Variants in RGS7 observed in about 807,000 individuals in gnomAD.
The protein encoded by RGS7 is regulator of G protein signaling 7.
RGS7 carries 27 observed loss-of-function variants against 81.1 expected under a neutral mutation model. The observed-to-expected ratio is 0.33, with a 90% CI of 0.25 to 0.46. RGS7 has a LOEUF of 0.46. Among genes scored for constraint, RGS7 ranks in the 20% least tolerant of loss-of-function variants. The pLI is 1.00. For missense variants in RGS7, 396 were observed against 607.4 expected, an observed-to-expected ratio of 0.65 and a Z score of 3.66; for synonymous variants, 208 against 207.7, an observed-to-expected ratio of 1.00 and a Z score of -0.01.
At chr1:241,093,397 T>C (rs899038496) in intron 3 of RGS7, among the ~76,000 whole-genome samples, 5 of 152,196 alleles carry the variant, frequency 3.3e-5, no homozygotes, top group African/African-American at 1.2e-4. Flanking sequence ...TTATTGCTAA[T>C]GTATATGTAA....
intron 7 of RGS7, among the ~76,000 whole-genome samples, chr1:240,869,796 T>C (rs1412816690): frequency 1.3e-5 from 2 of 152,090 alleles, no homozygotes; most frequent in Admixed American, 1.3e-4. Flanking sequence ...AAAAATTATC[T>C]GGGCGTGGTG....
intron 2 of RGS7, among the ~76,000 whole-genome samples, chr1:241,238,966 C>CTCTCTTT (rs397786851): frequency 2.6e-4 from 28 of 106,638 alleles, no homozygotes; most frequent in Non-Finnish European, 3.6e-4. Context: ...GCCTCTCTCT[C>CTCTCTTT]TTTTTTTTTT....
chr1:241,347,770 G>C (rs1478754704), intron 2 of RGS7, among the ~76,000 whole-genome samples: 1 of 151,884 alleles, frequency 6.6e-6, no homozygotes, highest in African/African-American at 2.4e-5. Flanking sequence ...TCAGACCACT[G>C]AAAGTTTCAA....
At chr1:241,147,149 C>T (rs993803973) in intron 2 of RGS7, among the ~76,000 whole-genome samples, 2 of 152,096 alleles carry the variant, frequency 1.3e-5, no homozygotes, top group Admixed American at 6.6e-5. Context: ...CACACACACA[C>T]GACTCCATTT....
intron 2 of RGS7, among the ~76,000 whole-genome samples, chr1:241,256,571 A>G (rs1240936948): frequency 7.9e-5 from 12 of 152,130 alleles, no homozygotes; most frequent in Admixed American, 7.9e-4. Flanking sequence ...ACAGAAATTT[A>G]TGTCTCACAG....
chr1:240,825,793 A>T (rs1038095509), intron 10 of RGS7, among the ~76,000 whole-genome samples: 3 of 152,224 alleles, frequency 2.0e-5, no homozygotes, highest in Non-Finnish European at 4.4e-5. Context: ...GAGAAAGATG[A>T]TCTATACTGA....
At chr1:240,815,475 T>C (rs1368414205) in intron 11 of RGS7, among the ~76,000 whole-genome samples, 4 of 152,208 alleles carry the variant, frequency 2.6e-5, no homozygotes, top group African/African-American at 7.2e-5. Context: ...AAATCCTATC[T>C]CCTAATACCA....
At chr1:241,191,224 C>T (rs2072625089) in intron 2 of RGS7, among the ~76,000 whole-genome samples, 2 of 152,298 alleles carry the variant, frequency 1.3e-5, no homozygotes, top group African/African-American at 2.4e-5. Context: ...TTGTGATCCA[C>T]CCTCCTTAGC....
Position 241,036,323 on chromosome 1 carries a change from A to G in RGS7, c.176-53194T>C, listed in dbSNP as rs1170831212. On this transcript the variant is annotated intron_variant, in intron 3 of 18. Transcript: ENST00000440928. ...TACACATTGAAAGAAACACAAGTAT[A>G]GAATAGTTGCATTATCAAATATTTC... Among the ~76,000 whole-genome samples, 5 of 152,250 alleles carry G rather than the reference A, an allele frequency of 3.3e-5. No individual in the cohort carries two copies. In the South Asian group the frequency reaches 8.3e-4, roughly 25 times the overall value.
intron 3 of RGS7, among the ~76,000 whole-genome samples, chr1:241,091,148 G>A (rs868058008): frequency 1.3e-5 from 2 of 152,202 alleles, no homozygotes; most frequent in Middle Eastern, 6.8e-3. Flanking sequence ...TTGAAGTGTT[G>A]AAAGGAATAA....
intron 3 of RGS7, among the ~76,000 whole-genome samples, chr1:241,089,459 G>A (rs1217721454): frequency 2.0e-5 from 3 of 151,794 alleles, no homozygotes; most frequent in Non-Finnish European, 4.4e-5. Context: ...ATAGGTAAAC[G>A]TACCCTTGCC....
At chr1:241,161,268 C>T (rs938525001) in intron 2 of RGS7, among the ~76,000 whole-genome samples, 1 of 152,072 alleles carries the variant, frequency 6.6e-6, no homozygotes, top group Non-Finnish European at 1.5e-5. Context: ...TGAGTTCTTA[C>T]ACTGACACAG....
intron 18 of RGS7, among the ~76,000 whole-genome samples, chr1:240,785,083 G>C (rs996543345): frequency 9.2e-5 from 14 of 152,164 alleles, no homozygotes; most frequent in Admixed American, 2.6e-4. Flanking sequence ...AGTGCTCTTA[G>C]CAGAGTCTAA....
intron 2 of RGS7, among the ~76,000 whole-genome samples, chr1:241,279,016 C>T (rs761873053): frequency 4.0e-4 from 61 of 152,186 alleles, no homozygotes; most frequent in Non-Finnish European, 5.3e-4. Flanking sequence ...ACCATATACA[C>T]ACCTTCCCCA....
At chr1:241,059,040 A>G (rs1450792433) in intron 3 of RGS7, among the ~76,000 whole-genome samples, 2 of 152,190 alleles carry the variant, frequency 1.3e-5, no homozygotes, top group Non-Finnish European at 2.9e-5. Flanking sequence ...TCCTGAGAAC[A>G]TCTAATATTG....
chr1:241,024,667 C>T (rs984430331), intron 3 of RGS7, among the ~76,000 whole-genome samples: 1 of 152,116 alleles, frequency 6.6e-6, no homozygotes, highest in Non-Finnish European at 1.5e-5. Flanking sequence ...AGCAGAAAGT[C>T]AAGGTTAGTC....
At chr1:240,993,095 G>GA (rs2148597127) in intron 3 of RGS7, among the ~76,000 whole-genome samples, 1 of 99,188 alleles carries the variant, frequency 1.0e-5, no homozygotes, top group African/African-American at 3.6e-5. Flanking sequence ...AGGAAGGAAG[G>GA]AGGGAGGGAG....
intron 18 of RGS7, among the ~76,000 whole-genome samples, chr1:240,792,846 T>C (rs1686241936): frequency 6.6e-6 from 1 of 152,168 alleles, no homozygotes; most frequent in Admixed American, 6.5e-5. Flanking sequence ...GTCTTATCTA[T>C]CCATTCTCAG....
At chr1:240,881,109 C>T (rs574934134) in intron 6 of RGS7, among the ~76,000 whole-genome samples, 31 of 152,114 alleles carry the variant, frequency 2.0e-4, no homozygotes, top group African/African-American at 7.5e-4. Context: ...TATTTTCATG[C>T]TAAAGAAAAA....
Sources: allele counts gnomAD v4.1 joint callset (sites outside exome capture counted in the v4.1 genomes callset), GRCh38; gene constraint gnomAD v4.1.1; transcripts MANE v1.5; gene names NCBI Gene and HGNC (gene_info 2026-07-23, HGNC 2026-07-21).